MAP3K4: variants seen among roughly 807,000 people sequenced by gnomAD.
The protein encoded by MAP3K4 is MAP three kinase 1.
A neutral mutation model predicts 185.6 loss-of-function variants in MAP3K4; 67 were observed. That is an observed-to-expected ratio of 0.36 (90% confidence interval 0.30 to 0.44). MAP3K4 has a LOEUF of 0.44. Among genes scored for constraint, MAP3K4 ranks in the 20% least tolerant of loss-of-function variants. The probability of loss-of-function intolerance (pLI) is 1.00; values close to 1 mark genes in which losing one functional copy is unlikely to be tolerated. For synonymous variants in MAP3K4, 702 were observed against 710.4 expected, an observed-to-expected ratio of 0.99 and a Z score of 0.19; for missense variants, 1,551 against 1,995.1, an observed-to-expected ratio of 0.78 and a Z score of 4.24.
chr6:161,106,124 C>A lies in MAP3K4; in HGVS notation c.3857-390C>A, dbSNP rs1277015134. ...GTGCTGGGATTACAAGAATGAGTCA[C>A]TGCTCCAGGCCTCGTGAATTAAATT... On this transcript the variant is annotated intron_variant, in intron 19 of 26. Transcript: ENST00000392142. This position sits in a 1 kb window ranked among gnomAD's most constrained non-coding sequence, Gnocchi z 4.9. Among the ~76,000 whole-genome samples, 1 of 152,176 alleles carries A rather than the reference C, an allele frequency of 6.6e-6. No individual in the cohort carries two copies. Among genetic ancestry groups the A allele is most frequent in the East Asian group, 1.9e-4 (1 of 5,198 alleles).
At chr6:161,028,273 G>T (rs1782764277) in intron 1 of MAP3K4, among the ~76,000 whole-genome samples, 1 of 151,526 alleles carries the variant, frequency 6.6e-6, no homozygotes, top group Admixed American at 6.6e-5. Flanking sequence ...ACAAGTTCCA[G>T]TGGCATTGGA....
intron 1 of MAP3K4, among the ~76,000 whole-genome samples, chr6:161,016,677 T>C (rs1782130235): frequency 6.6e-6 from 1 of 152,202 alleles, no homozygotes; most frequent in Non-Finnish European, 1.5e-5. Flanking sequence ...CTGGACTCTC[T>C]CAGTTCTGTT....
intron 15 of MAP3K4, among the ~76,000 whole-genome samples, chr6:161,095,960 A>G (rs779800504): frequency 2.0e-5 from 3 of 152,136 alleles, no homozygotes; most frequent in East Asian, 1.9e-4. Context: ...CTAATTTTTG[A>G]CTAGTTCCCA....
At chr6:160,992,153 CCG>C in intron 1 of MAP3K4, 70 bp downstream of exon 1, 3 of 1,431,680 alleles carry the variant, frequency 2.1e-6, no homozygotes, top group East Asian at 2.9e-5. Flanking sequence ...TCGGTCGGGC[CCG>C]AGGGCCTCTG....
In MAP3K4 at chr6:160,996,334, C is replaced by G. The variant is rs562642399; in HGVS notation, c.152+4251C>G. Among the ~76,000 whole-genome samples, 1 of 152,304 alleles carries G rather than the reference C, an allele frequency of 6.6e-6. No homozygotes were observed. The highest frequency in any genetic ancestry group is 2.4e-5 in the African/African-American group (1 of 41,562). On this transcript the variant is annotated intron_variant, in intron 1 of 26. Coordinates refer to ENST00000392142, the MANE Select transcript of MAP3K4 (RefSeq NM_005922.4). The surrounding 1 kb of genome is among the most constrained non-coding windows in gnomAD (Gnocchi z 4.5). ...TCACTTAGGAGGACTTTGTAGTTCC[C>G]TTTAATTTTCTGTCATTGTTAGAGG...
At position 161,008,185 on chromosome 6, in the gene MAP3K4, T is replaced by C. The variant is rs1311586247; in HGVS notation, c.152+16102T>C. Among the ~76,000 whole-genome samples the C allele has an allele frequency of 2.6e-5, 4 of 152,202 alleles. No individual in the cohort carries two copies. Among genetic ancestry groups the C allele is most frequent in the African/African-American group, 9.6e-5 (4 of 41,462 alleles). On this transcript the variant is annotated intron_variant, in intron 1 of 26. Transcript: ENST00000392142. This position sits in a 1 kb window ranked among gnomAD's most constrained non-coding sequence, Gnocchi z 4.1. ...GAACCTTTGTTGGGTAGCAATTGCA[T>C]ACTCATTTTCACTGGGTGTTTTCTG...
rs1395850917 is a variant in MAP3K4, at chr6:161,112,428, T to G, written c.4520-240T>G. 6.6e-6 allele frequency among the ~76,000 whole-genome samples: 1 copy of G among 152,216 alleles called. No individual in the cohort carries two copies. The highest frequency in any genetic ancestry group is 1.9e-4 in the East Asian group (1 of 5,208). On this transcript the variant is annotated intron_variant, in intron 24 of 26. Transcript: ENST00000392142. The surrounding 1 kb of genome is among the most constrained non-coding windows in gnomAD (Gnocchi z 5.1). ...CCTTTGCAGGTTAAATTTTCTATTT[T>G]CATTGTGAATACAATTAATTTGAAA...
intron 1 of MAP3K4, among the ~76,000 whole-genome samples, chr6:160,993,147 G>A (rs1482591665): frequency 6.6e-6 from 1 of 152,172 alleles, no homozygotes; most frequent in Admixed American, 6.5e-5. Flanking sequence ...AAACAAATTT[G>A]TTTTATTTTT....
chr6:161,015,203 A>G (rs748522491), intron 1 of MAP3K4, among the ~76,000 whole-genome samples: 1 of 152,120 alleles, frequency 6.6e-6, no homozygotes, highest in Non-Finnish European at 1.5e-5. Flanking sequence ...ATCCTCAGCA[A>G]ACTAACACAG....
chr6:161,029,314 C>A (rs776611277), intron 1 of MAP3K4, among the ~76,000 whole-genome samples: 2 of 152,136 alleles, frequency 1.3e-5, no homozygotes, highest in Non-Finnish European at 2.9e-5. Flanking sequence ...TCTAATCCGA[C>A]TTCATCATTT....
At chr6:160,994,082 G>A (rs143639668) in intron 1 of MAP3K4, among the ~76,000 whole-genome samples, 121 of 151,496 alleles carry the variant, frequency 8.0e-4, no homozygotes, top group Non-Finnish European at 1.3e-3. Context: ...CATTTTAGAG[G>A]AGCTCAGTGT....
chr6:161,064,706 T>A lies in MAP3K4; in HGVS notation c.1708-5902T>A, dbSNP rs1329360130. 6.6e-6 allele frequency among the ~76,000 whole-genome samples: 1 copy of A among 152,212 alleles called. No homozygotes were observed. The highest frequency in any genetic ancestry group is 1.5e-5 in the Non-Finnish European group (1 of 68,040). ...ACACAACATGACATCAGAATTATTA[T>A]TGTAATTACATTGCATGGTCTTAAT... is the stretch of plus-strand genomic sequence containing the variant. On this transcript the variant is annotated intron_variant, in intron 3 of 26. Transcript: ENST00000392142. This position sits in a 1 kb window ranked among gnomAD's most constrained non-coding sequence, Gnocchi z 4.3.
chr6:161,058,759 T>G (rs1201881256), intron 3 of MAP3K4, among the ~76,000 whole-genome samples: 6 of 148,598 alleles, frequency 4.0e-5, no homozygotes, highest in Non-Finnish European at 9.0e-5. Context: ...TCCTTGTAGA[T>G]ATATATATAT....
At chr6:160,992,467 C>G (rs769027516) in intron 1 of MAP3K4, 2 of 247,410 alleles carry the variant, frequency 8.1e-6, no homozygotes, top group African/African-American at 4.5e-5. Flanking sequence ...GTGGTCCCTC[C>G]CCTCTGCCCT....
In MAP3K4 at chr6:161,114,991, T is replaced by A. The variant is rs1778528132; in HGVS notation, c.4627-132T>A. The A allele has an allele frequency of 1.5e-6, 1 of 681,254 alleles. No homozygotes were observed. Among genetic ancestry groups the A allele is most frequent in the African/African-American group, 1.8e-5 (1 of 55,592 alleles). 42.2% of individuals were successfully genotyped at this position (681,254 alleles called of 1,614,324 possible). On this transcript the variant is annotated intron_variant, in intron 25 of 26. Transcript: ENST00000392142. The surrounding 1 kb of genome is among the most constrained non-coding windows in gnomAD (Gnocchi z 4.3). ...TGGCCTGTCAACCTAAAATATTGTT[T>A]GGCCCTTTCAGTAAAAATTTGCTGT...
chr6:161,008,349 T>G lies in MAP3K4; in HGVS notation c.152+16266T>G, dbSNP rs1039077737. 2.0e-5 allele frequency among the ~76,000 whole-genome samples: 3 copies of G among 152,188 alleles called. No homozygotes were observed. The highest frequency in any genetic ancestry group is 4.4e-5 in the Non-Finnish European group (3 of 68,020). Reference sequence around the variant, plus strand: ...TTAATCTTTATGTCTAGTCAAGATGTTTTATTAGAGTAAAATCCTGGAAAT... The same window carrying G: ...TTAATCTTTATGTCTAGTCAAGATGGTTTATTAGAGTAAAATCCTGGAAAT... On this transcript the variant is annotated intron_variant, in intron 1 of 26. Transcript: ENST00000392142. The surrounding 1 kb of genome is among the most constrained non-coding windows in gnomAD (Gnocchi z 4.1).
At position 161,051,715 on chromosome 6, in the gene MAP3K4, TA is replaced by T. The variant is rs1278484814; in HGVS notation, c.1707+1740del. Among the ~76,000 whole-genome samples, 1 of 152,234 alleles carries T rather than the reference TA, an allele frequency of 6.6e-6. No homozygotes were observed. Among genetic ancestry groups the T allele is most frequent in the Non-Finnish European group, 1.5e-5 (1 of 68,038 alleles). On this transcript the variant is annotated intron_variant, in intron 3 of 26. Coordinates refer to ENST00000392142, the MANE Select transcript of MAP3K4 (RefSeq NM_005922.4). This position sits in a 1 kb window ranked among gnomAD's most constrained non-coding sequence, Gnocchi z 4.2. ...TCCTTGGATGCTCCAGTCCCTCATA[TA>T]AAATGGTGTAGTATTTACATACAAC... is the stretch of plus-strand genomic sequence containing the variant.
chr6:160,993,236 A>G (rs1308190719), intron 1 of MAP3K4, among the ~76,000 whole-genome samples: 2 of 152,222 alleles, frequency 1.3e-5, no homozygotes, highest in Non-Finnish European at 2.9e-5. Context: ...TTCTCTGAAT[A>G]ATGGTACAGG....
chr6:160,997,179 T>C (rs982164046), intron 1 of MAP3K4, among the ~76,000 whole-genome samples: 39 of 152,156 alleles, frequency 2.6e-4, no homozygotes, highest in African/African-American at 8.9e-4. Flanking sequence ...TACGGTACAT[T>C]TTTACTAATG....
Sources: gnomAD v4.1 joint callset for allele counts (sites outside exome capture counted in the v4.1 genomes callset) on GRCh38, gnomAD v4.1.1 for gene constraint, Gnocchi (gnomAD v3.1) non-coding constraint, MANE v1.5 for transcripts, NCBI Gene and HGNC (gene_info 2026-07-23, HGNC 2026-07-21) for gene names.